ADGB: variants seen among roughly 807,000 people sequenced by gnomAD.
ADGB encodes calpain-7-like protein.
ADGB carries 172 observed loss-of-function variants against 210.5 expected under a neutral mutation model. That is an observed-to-expected ratio of 0.82 (90% CI 0.72 to 0.93). The LOEUF (loss-of-function observed/expected upper bound fraction) is 0.93, where lower values mean the gene tolerates loss of function less well. ADGB is among the 40% of genes least tolerant of loss of function. The pLI is 0.00. For missense variants in ADGB, 2,025 were observed against 1,964.8 expected, an observed-to-expected ratio of 1.03 and a Z score of -0.58; for synonymous variants, 658 against 662.7, an observed-to-expected ratio of 0.99 and a Z score of 0.11.
chr6:146,608,835 G>A (rs1288791774), intron 1 of ADGB, among the ~76,000 whole-genome samples: 2 of 152,192 alleles, frequency 1.3e-5, no homozygotes, highest in African/African-American at 4.8e-5. Context: ...TGGGGAGAAT[G>A]TATTTTCTGT....
intron 23 of ADGB, among the ~76,000 whole-genome samples, chr6:146,738,424 G>A (rs974907357): frequency 2.2e-5 from 3 of 137,728 alleles, no homozygotes; most frequent in Non-Finnish European, 3.1e-5. Flanking sequence ...AATCCCATTC[G>A]AATCCCATTT....
chr6:146,724,768 A>G (rs1375600115), intron 18 of ADGB: 1 of 152,108 alleles, frequency 6.6e-6, no homozygotes. Context: ...TTCCCCTACC[A>G]ATCTAGATTT....
At chr6:146,620,827 T>C (rs1192718454) in intron 1 of ADGB, among the ~76,000 whole-genome samples, 2 of 152,144 alleles carry the variant, frequency 1.3e-5, no homozygotes, top group Non-Finnish European at 2.9e-5. Flanking sequence ...GATTTGTTGG[T>C]TTCTTTTGGT....
At chr6:146,778,465 G>T (rs951224299) in intron 29 of ADGB, among the ~76,000 whole-genome samples, 1 of 152,058 alleles carries the variant, frequency 6.6e-6, no homozygotes, top group Non-Finnish European at 1.5e-5. Flanking sequence ...TCTGAGAAAA[G>T]TTTATTTTAA....
chr6:146,806,418 GCTGT>G (rs956347521), intron 35 of ADGB, among the ~76,000 whole-genome samples: 1 of 152,042 alleles, frequency 6.6e-6, no homozygotes, highest in Non-Finnish European at 1.5e-5. Context: ...TCATTCTCTT[GCTGT>G]CTCTTTCTCT....
chr6:146,651,534 A>G (rs1775702467), intron 3 of ADGB, among the ~76,000 whole-genome samples: 1 of 152,220 alleles, frequency 6.6e-6, no homozygotes, highest in South Asian at 2.1e-4. Flanking sequence ...TGGTAGGCGA[A>G]ACATGTACCC....
At chr6:146,713,821 T>C (rs1162802331) in intron 13 of ADGB, among the ~76,000 whole-genome samples, 1 of 152,120 alleles carries the variant, frequency 6.6e-6, no homozygotes, top group Non-Finnish European at 1.5e-5. Flanking sequence ...AAGAAATAAT[T>C]GCCAAATCCA....
intron 25 of ADGB, among the ~76,000 whole-genome samples, chr6:146,742,740 C>A (rs968324454): frequency 1.3e-5 from 2 of 152,104 alleles, no homozygotes; most frequent in African/African-American, 4.8e-5. Flanking sequence ...TATATTTATT[C>A]TTCCCCATGT....
intron 33 of ADGB, among the ~76,000 whole-genome samples, chr6:146,789,860 C>T (rs1398851516): frequency 6.6e-6 from 1 of 152,178 alleles, no homozygotes; most frequent in Non-Finnish European, 1.5e-5. Context: ...TGCAGTTTGG[C>T]TAGAACCTGG....
intron 1 of ADGB, among the ~76,000 whole-genome samples, chr6:146,606,189 T>A (rs1004474922): frequency 7.2e-5 from 11 of 152,134 alleles, no homozygotes; most frequent in African/African-American, 2.7e-4. Context: ...TGTTAAATAT[T>A]TTTTCATATG....
intron 1 of ADGB, among the ~76,000 whole-genome samples, chr6:146,609,142 G>A (rs531353646): frequency 1.3e-5 from 2 of 152,112 alleles, no homozygotes; most frequent in South Asian, 2.1e-4. Flanking sequence ...TGTCCCTTTC[G>A]ATCGTTGTTG....
At chr6:146,635,767 C>T (rs569450854) in intron 2 of ADGB, among the ~76,000 whole-genome samples, 2 of 151,746 alleles carry the variant, frequency 1.3e-5, no homozygotes, top group African/African-American at 4.8e-5. Flanking sequence ...AGAGATATGA[C>T]CAAAGAATCA....
At chr6:146,703,799 T>G (rs1218092365) in intron 13 of ADGB, among the ~76,000 whole-genome samples, 6 of 151,900 alleles carry the variant, frequency 3.9e-5, no homozygotes, top group Non-Finnish European at 8.8e-5. Context: ...TTTGACACAC[T>G]GATTTCATTT....
At chr6:146,698,712 T>G (rs1340282575) in intron 12 of ADGB, among the ~76,000 whole-genome samples, 3 of 152,114 alleles carry the variant, frequency 2.0e-5, no homozygotes, top group African/African-American at 7.2e-5. Context: ...TGTTGCAAAT[T>G]AATAAATCTA....
chr6:146,654,005 A>G (rs1404206968), intron 3 of ADGB, 130 bp from the exon 4 acceptor site: 1 of 467,292 alleles, frequency 2.1e-6, no homozygotes, highest in Admixed American at 3.2e-5. Context: ...GCTCAAGGTC[A>G]TTGCCAAGGT....
intron 9 of ADGB, among the ~76,000 whole-genome samples, chr6:146,680,581 C>T (rs1011534147): frequency 1.3e-5 from 2 of 152,076 alleles, no homozygotes; most frequent in Non-Finnish European, 2.9e-5. Flanking sequence ...ACCTGGAGAT[C>T]TCCCTCATAC....
At chr6:146,632,327 G>A (rs1255388433) in intron 1 of ADGB, among the ~76,000 whole-genome samples, 1 of 152,018 alleles carries the variant, frequency 6.6e-6, no homozygotes, top group East Asian at 1.9e-4. Flanking sequence ...GCTTTCTTCA[G>A]CAGCCACTTT....
chr6:146,789,547 T>C (rs1299336414), intron 33 of ADGB, among the ~76,000 whole-genome samples: 2 of 152,184 alleles, frequency 1.3e-5, no homozygotes, highest in Non-Finnish European at 2.9e-5. Flanking sequence ...CCTTAAGTGA[T>C]TTCCATACTG....
At chr6:146,754,917 A>C (rs1346031666) in intron 27 of ADGB, among the ~76,000 whole-genome samples, 1 of 152,086 alleles carries the variant, frequency 6.6e-6, no homozygotes, top group Non-Finnish European at 1.5e-5. Flanking sequence ...TTAAAATGTC[A>C]AGGTTGTCAT....
Sources: allele counts gnomAD v4.1 joint callset (sites outside exome capture counted in the v4.1 genomes callset), GRCh38; gene constraint gnomAD v4.1.1; transcripts MANE v1.5; gene names NCBI Gene and HGNC (gene_info 2026-07-23, HGNC 2026-07-21).